Variants in CDS2 observed in about 807,000 individuals in gnomAD.
CDS2 encodes phosphatidate cytidylyltransferase 2.
CDS2 carries 47 observed loss-of-function variants against 59.0 expected under a neutral mutation model. The ratio of observed to expected loss-of-function variants is 0.80; its 90% CI spans 0.63 to 1.02. The LOEUF (loss-of-function observed/expected upper bound fraction) is 1.02, where lower values mean the gene tolerates loss of function less well. CDS2 is among the 50% of genes least tolerant of loss of function. The pLI, the probability that CDS2 is intolerant of heterozygous loss-of-function variation, is 0.00. For synonymous variants in CDS2, 207 were observed against 206.4 expected, an observed-to-expected ratio of 1.00 and a Z score of -0.02; for missense variants, 356 against 558.9, an observed-to-expected ratio of 0.64 and a Z score of 3.66.
intron 1 of CDS2, among the ~76,000 whole-genome samples, chr20:5,135,874 C>T (rs1482919085): frequency 6.6e-6 from 1 of 152,186 alleles, no homozygotes; most frequent in Non-Finnish European, 1.5e-5. Flanking sequence ...CAGCCTCATG[C>T]CACACTGTGG....
chr20:5,167,358 G>T (rs878893473), intron 1 of CDS2, among the ~76,000 whole-genome samples: 1 of 152,092 alleles, frequency 6.6e-6, no homozygotes, highest in African/African-American at 2.4e-5. Flanking sequence ...TGAAGGACAG[G>T]GTATGGCCAT....
At chr20:5,188,032 G>C (rs6053185) in intron 10 of CDS2, among the ~76,000 whole-genome samples, 5 of 151,128 alleles carry the variant, frequency 3.3e-5, no homozygotes, top group East Asian at 3.9e-4. Flanking sequence ...TTTCTGATGA[G>C]GTCTGTGATG....
intron 3 of CDS2, chr20:5,175,647 G>A (rs1017509968): frequency 1.3e-4 from 24 of 187,264 alleles, no homozygotes; most frequent in Non-Finnish European, 2.1e-4. Flanking sequence ...TTAGCCACGC[G>A]TGGTGGCACG....
intron 1 of CDS2, among the ~76,000 whole-genome samples, chr20:5,145,236 A>ACCCCCCCCCCCCCCCCCCC (rs796723724): frequency 1.9e-5 from 1 of 51,968 alleles, no homozygotes; most frequent in Non-Finnish European, 3.8e-5. Context: ...GAAAGGAAAG[A>ACCCCCCCCCCCCCCCCCCC]CCCCCCCCCC....
intron 1 of CDS2, among the ~76,000 whole-genome samples, chr20:5,155,765 G>C (rs2090828860): frequency 6.6e-6 from 1 of 152,180 alleles, no homozygotes; most frequent in Non-Finnish European, 1.5e-5. Context: ...CAGGGATTAG[G>C]AAGTGAATTA....
chr20:5,127,261 G>T, intron 1 of CDS2, 112 bp downstream of exon 1: 3 of 984,280 alleles, frequency 3.0e-6, no homozygotes, highest in Non-Finnish European at 4.1e-6. Context: ...CGCAGCCGAC[G>T]GCGGCCCCGG....
intron 1 of CDS2, among the ~76,000 whole-genome samples, chr20:5,137,768 G>A (rs1046257164): frequency 6.6e-6 from 1 of 151,464 alleles, no homozygotes; most frequent in African/African-American, 2.4e-5. Flanking sequence ...GTAGCCCACT[G>A]CACTACCATA....
intron 1 of CDS2, among the ~76,000 whole-genome samples, chr20:5,166,512 CAG>C (rs1393258326): frequency 4.6e-5 from 7 of 151,996 alleles, no homozygotes; most frequent in Middle Eastern, 3.4e-3. Context: ...TGGGGAAACT[CAG>C]GGAGAGTGGG....
rs570802498 is a variant in CDS2 at position 5,139,438 on chromosome 20, T to C, written c.57+12289T>C. On this transcript the variant is annotated intron_variant, in intron 1 of 12. Coordinates refer to ENST00000460006, the MANE Select transcript of CDS2 (RefSeq NM_003818.4). Reference sequence around the variant, plus strand: ...GTCCTACAACTTTAGTGAATTAGTTTATCAGTTCCAAGAGTTTTTTGGTGT... The same window carrying C: ...GTCCTACAACTTTAGTGAATTAGTTCATCAGTTCCAAGAGTTTTTTGGTGT... Among the ~76,000 whole-genome samples the C allele has an allele frequency of 3.3e-5, 5 of 152,362 alleles. No individual in the cohort carries two copies. In the South Asian group the frequency reaches 1.0e-3, roughly 32 times the overall value.
At chr20:5,175,150 G>A in intron 2 of CDS2, 33 bp from the exon 3 acceptor site, 1 of 1,512,188 alleles carries the variant, frequency 6.6e-7, no homozygotes, top group East Asian at 2.3e-5. Flanking sequence ...GCTCCTAACT[G>A]GTGTTTTCTC....
intron 1 of CDS2, among the ~76,000 whole-genome samples, chr20:5,148,097 G>A (rs1181223042): frequency 6.6e-6 from 1 of 152,148 alleles, no homozygotes; most frequent in Non-Finnish European, 1.5e-5. Flanking sequence ...AAATTGTGTG[G>A]AAATGACCTG....
intron 1 of CDS2, among the ~76,000 whole-genome samples, chr20:5,161,270 G>A (rs1185566064): frequency 6.6e-6 from 1 of 152,210 alleles, no homozygotes; most frequent in East Asian, 1.9e-4. Context: ...TGGATGTGAA[G>A]TGTGTGGCAG....
At position 5,184,363 on chromosome 20, in the gene CDS2, G is replaced by A. The variant is rs942067434; in HGVS notation, c.672-495G>A. ...TTTCACACTCAAATACAGTCCTGGG[G>A]AAAGATAGGGCCAACTAGAGCTAGT... On this transcript the variant is annotated intron_variant, in intron 7 of 12. Coordinates refer to ENST00000460006, the MANE Select transcript of CDS2 (RefSeq NM_003818.4). This position sits in a 1 kb window ranked among gnomAD's most constrained non-coding sequence, Gnocchi z 4.3. 3.9e-5 allele frequency among the ~76,000 whole-genome samples: 6 copies of A among 152,088 alleles called. No individual in the cohort carries two copies. Among genetic ancestry groups the A allele is most frequent in the African/African-American group, 1.4e-4 (6 of 41,398 alleles).
At position 5,185,659 on chromosome 20, in the gene CDS2, T is replaced by C. The variant is rs1323781208; in HGVS notation, c.760-99T>C. 9.7e-6 allele frequency: 10 copies of C among 1,035,356 alleles called. 1 individual carries two copies. The highest frequency in any genetic ancestry group is 1.5e-5 in the Non-Finnish European group (10 of 675,356). The allele number at this position is 1,035,356 out of a possible 1,614,324, so 64.1% of individuals were successfully genotyped here. ...TTAAAAGGTGACATGGTTAAGAGAATGGGGTTTTATGAAAGAAAGGTTCTT... is the reference window on the plus strand; with the variant it reads ...TTAAAAGGTGACATGGTTAAGAGAACGGGGTTTTATGAAAGAAAGGTTCTT... On this transcript the variant is annotated intron_variant, in intron 8 of 12. Coordinates refer to ENST00000460006, the MANE Select transcript of CDS2 (RefSeq NM_003818.4).
At chr20:5,154,801 C>G (rs193079274) in intron 1 of CDS2, among the ~76,000 whole-genome samples, 1 of 152,296 alleles carries the variant, frequency 6.6e-6, no homozygotes, top group East Asian at 1.9e-4. Context: ...GTGCGTGCCA[C>G]TACACTCATT....
At chr20:5,155,230 T>C (rs562003366) in intron 1 of CDS2, among the ~76,000 whole-genome samples, 30 of 152,376 alleles carry the variant, frequency 2.0e-4, no homozygotes, top group African/African-American at 6.5e-4. Context: ...TTTTAGTCAT[T>C]AGTTGCATTT....
At chr20:5,148,847 C>T (rs1342103249) in intron 1 of CDS2, among the ~76,000 whole-genome samples, 1 of 152,202 alleles carries the variant, frequency 6.6e-6, no homozygotes, top group Non-Finnish European at 1.5e-5. Context: ...TTTCTATCTC[C>T]TGTCTGTTCC....
At chr20:5,156,883 G>A in intron 1 of CDS2, among the ~76,000 whole-genome samples, 1 of 152,232 alleles carries the variant, frequency 6.6e-6, no homozygotes, top group Admixed American at 6.5e-5. Context: ...GGTGGCTCCA[G>A]AAGCACAGGA....
At chr20:5,190,037 A>T (rs756668108) in intron 12 of CDS2, 65 bp from the exon 13 acceptor site, 1 of 1,580,640 alleles carries the variant, frequency 6.3e-7, no homozygotes, top group Non-Finnish European at 8.7e-7. Flanking sequence ...GCAGCCACTC[A>T]GATAATCAGG....
Sources: gnomAD v4.1 joint callset for allele counts (sites outside exome capture counted in the v4.1 genomes callset) on GRCh38, gnomAD v4.1.1 for gene constraint, Gnocchi (gnomAD v3.1) non-coding constraint, MANE v1.5 for transcripts, NCBI Gene and HGNC (gene_info 2026-07-23, HGNC 2026-07-21) for gene names.